Variants in LSAMP observed in about 807,000 individuals in gnomAD.
The protein encoded by LSAMP is limbic system-associated membrane protein.
A neutral mutation model predicts 38.6 loss-of-function variants in LSAMP; 7 were observed. The observed-to-expected ratio is 0.18, with a 90% confidence interval of 0.10 to 0.34. LSAMP has a LOEUF of 0.34. Among genes scored for constraint, LSAMP ranks in the 10% least tolerant of loss-of-function variants. LSAMP has a pLI of 1.00. For missense variants in LSAMP, 313 were observed against 420.0 expected (o/e 0.75, Z 2.23); for synonymous variants, 154 against 166.8 (o/e 0.92, Z 0.59).
Position 116,445,475 on chromosome 3 carries a change from A to G in LSAMP, c.-444T>C, listed in dbSNP as rs2049499085. On this transcript the variant is annotated 5_prime_UTR_variant, in exon 1 of 7. Coordinates refer to ENST00000490035, the MANE Select transcript of LSAMP (RefSeq NM_002338.5). ...CAAGCCTGCCAGTGAGTGTACAGAA[A>G]CAGCCACACAGCAGCAGCAGCAGCA... 4.7e-6 allele frequency: 2 copies of G among 429,086 alleles called. No individual in the cohort carries two copies. The highest frequency in any genetic ancestry group is 3.9e-5 in the Admixed American group (1 of 25,820). The allele number at this position is 429,086 out of a possible 1,614,324, so 26.6% of individuals were successfully genotyped here.
chr3:116,145,666 C>A (rs931931039), intron 1 of LSAMP, among the ~76,000 whole-genome samples: 1 of 151,774 alleles, frequency 6.6e-6, no homozygotes, highest in African/African-American at 2.4e-5. Flanking sequence ...TGTAGCCTAG[C>A]CAAATAGACA....
intron 2 of LSAMP, among the ~76,000 whole-genome samples, chr3:116,070,591 A>C (rs1576344885): frequency 6.6e-6 from 1 of 152,238 alleles, no homozygotes; most frequent in Non-Finnish European, 1.5e-5. Flanking sequence ...AATTTAAATT[A>C]GAAATTTTAT....
At chr3:116,313,519 G>A (rs2047586200) in intron 1 of LSAMP, among the ~76,000 whole-genome samples, 1 of 152,192 alleles carries the variant, frequency 6.6e-6, no homozygotes, top group Admixed American at 6.5e-5. Context: ...TTATTCAAGT[G>A]AGGGCAAGCA....
At chr3:115,911,034 A>T (rs62271119) in intron 3 of LSAMP, among the ~76,000 whole-genome samples, 4,317 of 152,294 alleles carry the variant, frequency 0.028, 104 homozygotes, top group Non-Finnish European at 0.043. Flanking sequence ...CCCTGACATG[A>T]TCATTTACAC....
chr3:116,396,018 T>C (rs957716207), intron 1 of LSAMP, among the ~76,000 whole-genome samples: 1 of 152,212 alleles, frequency 6.6e-6, no homozygotes, highest in Admixed American at 6.5e-5. Context: ...CAGTGAAAGC[T>C]CTTCAAAAGC....
intron 1 of LSAMP, among the ~76,000 whole-genome samples, chr3:116,112,969 A>T (rs1160967525): frequency 3.4e-5 from 5 of 145,664 alleles, no homozygotes; most frequent in Non-Finnish European, 7.6e-5. Context: ...TCCAGTACTC[A>T]TTTTTTTTTT....
chr3:116,232,959 C>T (rs975628225), intron 1 of LSAMP, among the ~76,000 whole-genome samples: 4 of 151,846 alleles, frequency 2.6e-5, no homozygotes, highest in Non-Finnish European at 5.9e-5. Flanking sequence ...TTTAATACCC[C>T]CCAACCCCAA....
At chr3:115,954,585 A>C (rs1173652005) in intron 3 of LSAMP, among the ~76,000 whole-genome samples, 6 of 152,232 alleles carry the variant, frequency 3.9e-5, no homozygotes, top group African/African-American at 1.4e-4. Context: ...TAGAGCATTC[A>C]TTTGCACTAA....
chr3:116,308,119 A>T (rs1056874876), intron 1 of LSAMP, among the ~76,000 whole-genome samples: 1 of 151,732 alleles, frequency 6.6e-6, no homozygotes, highest in Non-Finnish European at 1.5e-5. Context: ...CTACCTAAAA[A>T]CCTTTCCCCC....
rs1206185126 is a variant in LSAMP at position 116,073,388 on chromosome 3, G to T, written c.388+12936C>A. On this transcript the variant is annotated intron_variant, in intron 2 of 6. Transcript: ENST00000490035. ...TATCCTTTTTGCTTAGGATTGTCTTGGCTATTTGGGCTCTTTTTTTGGTTC... is the reference window on the plus strand; with the variant it reads ...TATCCTTTTTGCTTAGGATTGTCTTTGCTATTTGGGCTCTTTTTTTGGTTC... 2.0e-5 allele frequency among the ~76,000 whole-genome samples: 3 copies of T among 152,080 alleles called. No individual in the cohort carries two copies. In the East Asian group the frequency reaches 5.8e-4, roughly 29 times the overall value.
At chr3:115,830,180 G>A (rs915714930) in intron 6 of LSAMP, among the ~76,000 whole-genome samples, 36 of 152,294 alleles carry the variant, frequency 2.4e-4, no homozygotes, top group Admixed American at 1.7e-3. Context: ...TAGATGTACC[G>A]ATGCCAGATA....
At chr3:115,893,848 G>T in intron 3 of LSAMP, among the ~76,000 whole-genome samples, 1 of 151,916 alleles carries the variant, frequency 6.6e-6, no homozygotes. Context: ...ACAAATTATA[G>T]AACTTTCAGG....
intron 1 of LSAMP, among the ~76,000 whole-genome samples, chr3:116,232,589 C>G (rs2046413496): frequency 6.6e-6 from 1 of 151,982 alleles, no homozygotes; most frequent in Non-Finnish European, 1.5e-5. Flanking sequence ...GTAGCATTTG[C>G]AATTTCCAAG....
chr3:115,990,367 A>G (rs1243066715), intron 3 of LSAMP, among the ~76,000 whole-genome samples: 1 of 152,078 alleles, frequency 6.6e-6, no homozygotes, highest in African/African-American at 2.4e-5. Context: ...TCTTGATGCT[A>G]CTTCAACTTG....
chr3:116,349,407 C>T (rs898934963), intron 1 of LSAMP, among the ~76,000 whole-genome samples: 9 of 151,000 alleles, frequency 6.0e-5, no homozygotes, highest in Non-Finnish European at 1.2e-4. Context: ...GAGAAGCAAA[C>T]TGTACAGTTA....
At chr3:115,838,794 G>A (rs931905020) in intron 6 of LSAMP, among the ~76,000 whole-genome samples, 22 of 152,314 alleles carry the variant, frequency 1.4e-4, no homozygotes, top group African/African-American at 5.1e-4. Flanking sequence ...AGAGAGTGGG[G>A]AAGTGTATGT....
At chr3:116,282,520 T>C (rs2047140081) in intron 1 of LSAMP, among the ~76,000 whole-genome samples, 1 of 152,154 alleles carries the variant, frequency 6.6e-6, no homozygotes. Flanking sequence ...TTAAATGGCT[T>C]CAGTGTAGCA....
chr3:115,949,819 T>C (rs1576247799), intron 3 of LSAMP, among the ~76,000 whole-genome samples: 1 of 148,806 alleles, frequency 6.7e-6, no homozygotes, highest in Admixed American at 6.7e-5. Context: ...GTATCGCTGA[T>C]GAACATAGAC....
chr3:115,970,853 A>C (rs534872748), intron 3 of LSAMP, among the ~76,000 whole-genome samples: 1 of 152,308 alleles, frequency 6.6e-6, no homozygotes, highest in East Asian at 1.9e-4. Context: ...CTTTTCTTCC[A>C]CTGAATTCTG....
Sources: allele counts gnomAD v4.1 joint callset (sites outside exome capture counted in the v4.1 genomes callset), GRCh38; gene constraint gnomAD v4.1.1; transcripts MANE v1.5; gene names NCBI Gene and HGNC (gene_info 2026-07-23, HGNC 2026-07-21).